The following WDR87 variants were observed in gnomAD, a reference collection of about 807,000 sequenced individuals.
The protein encoded by WDR87 is WD repeat-containing protein 87.
WDR87 carries 56 observed loss-of-function variants against 83.3 expected under a neutral mutation model. That is an observed-to-expected ratio of 0.67 (90% CI 0.54 to 0.84). WDR87 has a LOEUF of 0.84. Among genes scored for constraint, WDR87 ranks in the 40% least tolerant of loss-of-function variants. WDR87 has a pLI of 0.00. For synonymous variants in WDR87, 1,173 were observed against 1,250.6 expected, an observed-to-expected ratio of 0.94 and a Z score of 1.31; for missense variants, 2,939 against 3,431.9, an observed-to-expected ratio of 0.86 and a Z score of 3.59.
In WDR87 at chr19:37,885,394, CT is replaced by C. The variant is rs1555756562; in HGVS notation, c.8276del (p.Lys2759ArgfsTer57). 40 of 1,551,532 alleles carry C rather than the reference CT, an allele frequency of 2.6e-5. No homozygotes were observed. Among genetic ancestry groups the C allele is most frequent in the Non-Finnish European group, 3.1e-5 (36 of 1,146,986 alleles). On this transcript the variant is annotated frameshift_variant, in exon 6 of 6. Coordinates refer to ENST00000447313, the MANE Select transcript of WDR87 (RefSeq NM_001291088.2). LOFTEE classifies it low-confidence loss of function (END_TRUNC). ...EKKTQPISKK[K>X]EELPLWETFV... ...ATGTCTCCCACAAAGGCAACTCTTC[CT>C]TTTTTTTAGAAATGGGCTGTGTCTT... is the stretch of plus-strand genomic sequence containing the variant.
At chr19:37,902,644 C>A (rs1459103962) in intron 1 of WDR87, among the ~76,000 whole-genome samples, 2 of 152,246 alleles carry the variant, frequency 1.3e-5, no homozygotes, top group African/African-American at 4.8e-5. Flanking sequence ...AAACCAGGTC[C>A]ATGACTGGGT....
rs116131450 is a variant in WDR87 at position 37,887,074 on chromosome 19, C to A, written c.6597G>T (p.Met2199Ile). The A allele has an allele frequency of 4.4e-4, 676 of 1,550,560 alleles. 5 individuals carry two copies. In the African/African-American group the frequency reaches 7.6e-3, roughly 17 times the overall value. Residue 2199 changes from methionine (M) to isoleucine (I), a missense_variant, in exon 6 of 6, where the codon ATG becomes ATT. By Grantham distance (10) the Met-to-Ile change is conservative (BLOSUM62 1). Transcript: ENST00000447313. ...MRRMINKEEK[M>I]TEEESKLARK... ...TGGCCAATTTGCTCTCTTCCTCAGT[C>A]ATTTTTTCTTCTTTGTTTATCATTC...
rs1385239993 is a variant in WDR87, at chr19:37,885,786, T to C, written c.7885A>G (p.Ser2629Gly). 1.2e-5 allele frequency: 18 copies of C among 1,551,816 alleles called. No homozygotes were observed. The highest frequency in any genetic ancestry group is 1.4e-5 in the Non-Finnish European group (16 of 1,147,008). Residue 2629 changes from serine to glycine, a missense_variant, in exon 6 of 6, where the codon AGT becomes GGT. Ser to Gly is a moderately conservative substitution (Grantham distance 56). Transcript: ENST00000447313. Reference sequence around the variant, plus strand: ...TATTTTGGACTCATGGACTGTCTACTTGAGATCCTTGTGTCTTGTGACTCC... The same window carrying C: ...TATTTTGGACTCATGGACTGTCTACCTGAGATCCTTGTGTCTTGTGACTCC... ...ALESQDTRIS[S>G]RQSMSPKYLK...
Position 37,886,430 on chromosome 19 carries a change from T to C in WDR87, c.7241A>G (p.His2414Arg). The C allele has an allele frequency of 6.5e-7, 1 of 1,532,234 alleles. No individual in the cohort carries two copies. The allele number at this position is 1,532,234 out of a possible 1,614,324, so 94.9% of individuals were successfully genotyped here. A position where few individuals can be genotyped will look rare whatever the true frequency, so the allele number is the denominator to read the frequency against. Residue 2414 changes from histidine (H) to arginine (R), a missense_variant, in exon 6 of 6, where the codon CAT becomes CGT. Coordinates refer to ENST00000447313, the MANE Select transcript of WDR87 (RefSeq NM_001291088.2). Reference sequence around the variant, plus strand: ...TAGTCTTATAGCCCTGCCTTTGCCATGAGGAACTCCTCTTAAAATGGAAAG... The same window carrying C: ...TAGTCTTATAGCCCTGCCTTTGCCACGAGGAACTCCTCTTAAAATGGAAAG... ...RVLSILRGVP[H>R]GKGRAIRLGV...
Position 37,889,546 on chromosome 19 carries a change from C to A in WDR87, c.4125G>T (p.Val1375=). The change falls in exon 6 of 6, where the codon GTG becomes GTT. Residue 1375 remains valine (V), a synonymous_variant. Coordinates refer to ENST00000447313, the MANE Select transcript of WDR87 (RefSeq NM_001291088.2). The part of the protein sequence containing the change: ...EDMIQGVTQE[V]IRHKEVMPRE... ...TTGGCATCACTTCCTTGTGTCTGAT[C>A]ACCTCTTGGGTCACACCTTGTATCA... 1 of 1,551,690 alleles carries A rather than the reference C, an allele frequency of 6.4e-7. No homozygotes were observed. Among genetic ancestry groups the A allele is most frequent in the Non-Finnish European group, 8.7e-7 (1 of 1,147,026 alleles).
At chr19:37,906,315 G>A (rs2046328421) in intron 1 of WDR87, among the ~76,000 whole-genome samples, 184 bp downstream of exon 1, 1 of 152,168 alleles carries the variant, frequency 6.6e-6, no homozygotes, top group South Asian at 2.1e-4. Flanking sequence ...ATCAACAAAA[G>A]AATGCAAGAT....
Position 37,888,178 on chromosome 19 carries a change from A to G in WDR87, c.5493T>C (p.Pro1831=). The change falls in exon 6 of 6, where the codon CCT becomes CCC. Residue 1831 remains proline, a synonymous_variant. Transcript: ENST00000447313. ...TCCGTCCCAGTCTTTCCTCTTCCTCAGGCATTTTTTCCTTGTGCTGGGCCA... is the reference window on the plus strand; with the variant it reads ...TCCGTCCCAGTCTTTCCTCTTCCTCGGGCATTTTTTCCTTGTGCTGGGCCA... The part of the protein sequence containing the change: ...EKLAQHKEKM[P]EEEERLGRKR... The G allele has an allele frequency of 6.4e-7, 1 of 1,551,772 alleles. No individual in the cohort carries two copies. Among genetic ancestry groups the G allele is most frequent in the Non-Finnish European group, 8.7e-7 (1 of 1,147,040 alleles).
In WDR87 at chr19:37,886,786, TTCC is replaced by T; in HGVS notation, c.6882_6884del (p.Glu2295del). On this transcript the variant is annotated inframe_deletion, in exon 6 of 6. Transcript: ENST00000447313. ...CCTCCCTTTCCTCCTCCTCCTCCCTTTCCTCTTCTTCCTCCCTTTCCTCCTCCT... is the reference window on the plus strand; with the variant it reads ...CCTCCCTTTCCTCCTCCTCCTCCCTTTCTTCTTCCTCCCTTTCCTCCTCCT... 1 of 1,535,418 alleles carries T rather than the reference TTCC, an allele frequency of 6.5e-7. No individual in the cohort carries two copies. The highest frequency in any genetic ancestry group is 2.5e-5 in the East Asian group (1 of 40,536).
chr19:37,894,283 C>G lies in WDR87; in HGVS notation c.1420G>C (p.Glu474Gln). Residue 474 changes from glutamate (E) to glutamine (Q), a missense_variant, in exon 4 of 6, where the codon GAG becomes CAG. By Grantham distance (29) the Glu-to-Gln change is conservative. This residue lies in a region of WDR87 where 553 missense variants were observed against 577.9 expected (regional missense o/e 0.96). Transcript: ENST00000447313. ...TGGTGCCCAGAGAATATCAGTCCCTCTAGACCCCGCCCCAAGTTGAAATGC... is the reference window on the plus strand; with the variant it reads ...TGGTGCCCAGAGAATATCAGTCCCTGTAGACCCCGCCCCAAGTTGAAATGC... ...YGHFNLGRGL[E>Q]GLIFSGHQSG... 6.4e-7 allele frequency: 1 copy of G among 1,551,772 alleles called. No individual in the cohort carries two copies. The highest frequency in any genetic ancestry group is 1.4e-5 in the African/African-American group (1 of 73,172).
rs755918975 is a variant in WDR87 at position 37,890,300 on chromosome 19, A to T, written c.3395-24T>A. On this transcript the variant is annotated intron_variant, in intron 5 of 5. Transcript: ENST00000447313. ...GCCTGCAGTAAAAATCGAGAGATGG[A>T]GGTAAGCAAAGTATGGGAAGCGACA... is the stretch of plus-strand genomic sequence containing the variant. 2.0e-6 allele frequency: 3 copies of T among 1,500,928 alleles called. No individual in the cohort carries two copies. The South Asian group carries it at 3.9e-5, about 20-fold the overall frequency. 93.0% of individuals were successfully genotyped at this position (1,500,928 alleles called of 1,614,324 possible).
chr19:37,903,623 C>T (rs900455020), intron 1 of WDR87, among the ~76,000 whole-genome samples: 13 of 151,568 alleles, frequency 8.6e-5, no homozygotes, highest in East Asian at 2.0e-4. Context: ...TCAACCACTC[C>T]GGCTCAAGTG....
intron 1 of WDR87, 143 bp from the exon 2 acceptor site, chr19:37,898,428 TC>T (rs773236102): frequency 1.0e-4 from 110 of 1,101,582 alleles, no homozygotes; most frequent in Non-Finnish European, 1.3e-4. Context: ...TCTCATTTCA[TC>T]CACTCTACAG....
intron 1 of WDR87, among the ~76,000 whole-genome samples, chr19:37,900,258 A>G (rs1052524305): frequency 6.6e-6 from 1 of 152,164 alleles, no homozygotes; most frequent in Non-Finnish European, 1.5e-5. Flanking sequence ...GAGTCTACAA[A>G]GGGCAGATCA....
chr19:37,891,699 C>T lies in WDR87; in HGVS notation c.3247G>A (p.Asp1083Asn). The T allele has an allele frequency of 1.3e-6, 2 of 1,551,924 alleles. No individual in the cohort carries two copies. Among genetic ancestry groups the T allele is most frequent in the Non-Finnish European group, 1.7e-6 (2 of 1,147,042 alleles). Residue 1083 changes from aspartate to asparagine, a missense_variant, in exon 5 of 6, where the codon GAT becomes AAT. By Grantham distance (23) the Asp-to-Asn change is conservative. Transcript: ENST00000447313. ...TCTAAAGAAAAAGCCGGCTTTTCAT[C>T]TCTATGTGACAGGGTCAGGTTTTCA... ...LNENLTLSHR[D>N]EKPAFSLDVS...
chr19:37,885,026 C>T lies in WDR87; in HGVS notation c.8645G>A (p.Arg2882Gln), dbSNP rs73027451. 255,515 of 1,435,868 alleles carry T rather than the reference C, an allele frequency of 0.18. 23,209 individuals carry two copies. Among genetic ancestry groups the T allele is most frequent in the Middle Eastern group, 0.29 (1,594 of 5,522 alleles). The allele number at this position is 1,435,868 out of a possible 1,614,324, so 88.9% of individuals were successfully genotyped here. A position where few individuals can be genotyped will look rare whatever the true frequency, so the allele number is the denominator to read the frequency against. ...VRTILPVGIA[R>Q]YGILELAWKS... ...CCAGGCAAGTTCTAAGATCCCATAC[C>T]GGGCAATGCCCACGGGAAGGATGGT... Residue 2882 changes from arginine (R) to glutamine (Q), a missense_variant, in exon 6 of 6, where the codon CGG becomes CAG. Around this residue, in one of 3 missense-constraint regions of WDR87, gnomAD observed 2,160 missense variants for 2,533.1 expected, o/e 0.85. Coordinates refer to ENST00000447313, the MANE Select transcript of WDR87 (RefSeq NM_001291088.2).
At chr19:37,890,354 C>G in intron 5 of WDR87, 78 bp from the exon 6 acceptor site, 1 of 1,422,038 alleles carries the variant, frequency 7.0e-7, no homozygotes, top group Non-Finnish European at 9.2e-7. Context: ...TAGGTGTGAG[C>G]TAAGAAGAAC....
rs1220983430 is a variant in WDR87 at position 37,886,509 on chromosome 19, GTT to G, written c.7160_7161del (p.Lys2387ThrfsTer3). The G allele has an allele frequency of 2.1e-5, 32 of 1,504,906 alleles. No individual in the cohort carries two copies. Among genetic ancestry groups the G allele is most frequent in the Non-Finnish European group, 2.8e-5 (32 of 1,132,820 alleles). 93.2% of individuals were successfully genotyped at this position (1,504,906 alleles called of 1,614,324 possible). On this transcript the variant is annotated frameshift_variant, in exon 6 of 6. Coordinates refer to ENST00000447313, the MANE Select transcript of WDR87 (RefSeq NM_001291088.2). LOFTEE classifies it low-confidence loss of function (END_TRUNC). ...CTTCTTTGTTCTTGTAACTTAAATT[GTT>G]TTTCTTTTTTTAAGATCTCTTTTTC... ...DREKEILKKE[K>X]QFKLQEQRRK...
Position 37,888,608 on chromosome 19 carries a change from T to C in WDR87, c.5063A>G (p.Glu1688Gly), listed in dbSNP as rs1568449894. The change falls in exon 6 of 6, where the codon GAG (glutamate) becomes GGG (glycine). Residue 1688 changes from glutamate to glycine, a missense_variant. Physicochemically the swap from Glu to Gly is moderately conservative, Grantham distance 98. Coordinates refer to ENST00000447313, the MANE Select transcript of WDR87 (RefSeq NM_001291088.2). ...TTTCTCCGCCTCCTGGCTTAGCTTC[T>C]CCCCTCTTTGGGCCAGTGTTTCCTC... The part of the protein sequence containing the change: ...QKEETLAQRG[E>G]KLSQEAEKLA... 1.3e-6 allele frequency: 2 copies of C among 1,552,004 alleles called. No individual in the cohort carries two copies. Among genetic ancestry groups the C allele is most frequent in the Non-Finnish European group, 1.7e-6 (2 of 1,147,072 alleles).
At chr19:37,895,999 G>T in intron 3 of WDR87, 139 bp downstream of exon 3, 1 of 1,177,112 alleles carries the variant, frequency 8.5e-7, no homozygotes, top group Non-Finnish European at 1.2e-6. Flanking sequence ...ACTATAATTG[G>T]AGAAAGGATG....
Sources: gnomAD v4.1 joint callset for allele counts (sites outside exome capture counted in the v4.1 genomes callset) on GRCh38, gnomAD v4.1.1 for gene constraint, gnomAD v4.1.1 regional missense constraint, MANE v1.5 for transcripts, NCBI Gene and HGNC (gene_info 2026-07-23, HGNC 2026-07-21) for gene names.